Variants in RAB10 observed in about 807,000 individuals in gnomAD.
The protein encoded by RAB10 is RAB10, member RAS oncogene family.
In RAB10, 5 loss-of-function variants were observed where a neutral mutation model predicts 25.7. The ratio of observed to expected loss-of-function variants is 0.19; its 90% confidence interval spans 0.10 to 0.41. The LOEUF (loss-of-function observed/expected upper bound fraction) is 0.41. Ranked by LOEUF, RAB10 falls within the 10% of genes least tolerant of loss-of-function variation. RAB10 has a pLI of 1.00. For missense variants in RAB10, 103 were observed against 245.8 expected (o/e 0.42, Z 3.89); for synonymous variants, 89 against 86.4 (o/e 1.03, Z -0.16).
At chr2:26,133,308 A>T (rs1668045509) in intron 5 of RAB10, among the ~76,000 whole-genome samples, 1 of 152,222 alleles carries the variant, frequency 6.6e-6, no homozygotes, top group South Asian at 2.1e-4. Flanking sequence ...ATACAATAGC[A>T]TCGATAAATC....
At chr2:26,033,848 C>A (rs1054667012), upstream of RAB10, among the ~76,000 whole-genome samples, 2 of 152,184 alleles carry the variant, frequency 1.3e-5, no homozygotes, top group African/African-American at 4.8e-5. Context: ...GCGTCTCCCC[C>A]GGGGCGTGCT....
rs10669615 is a variant in RAB10, at chr2:26,124,389, CTTTTTTTTTTTTTTT to C, written c.328-2741_328-2727del. On this transcript the variant is annotated intron_variant, in intron 3 of 5. Transcript: ENST00000264710. ...GTTGTTTTTCTTATTGTTGTTGTTG[CTTTTTTTTTTTTTTT>C]TTTTTTTTTTTTTGAGACAGGTTCT... 1.8e-3 allele frequency among the ~76,000 whole-genome samples: 36 copies of C among 19,680 alleles called. 1 individual carries two copies. Among genetic ancestry groups the C allele is most frequent in the East Asian group, 4.8e-3 (2 of 414 alleles). 12.9% of individuals were successfully genotyped at this position (19,680 alleles called of 152,430 possible). A position where few individuals can be genotyped will look rare whatever the true frequency, so the allele number is the denominator to read the frequency against.
chr2:26,065,464 A>T (rs555042223), intron 1 of RAB10, among the ~76,000 whole-genome samples: 2 of 150,526 alleles, frequency 1.3e-5, no homozygotes, highest in Admixed American at 6.7e-5. Context: ...TGTTTTCAAC[A>T]ACTACAGTTT....
intron 1 of RAB10, among the ~76,000 whole-genome samples, chr2:26,088,235 T>C (rs1262639079): frequency 2.0e-5 from 3 of 152,186 alleles, no homozygotes; most frequent in Admixed American, 2.0e-4. Flanking sequence ...AGGTTGCAGT[T>C]ACTCCTCTTG....
chr2:26,085,196 G>A (rs1287017252), intron 1 of RAB10, among the ~76,000 whole-genome samples: 1 of 152,124 alleles, frequency 6.6e-6, no homozygotes, highest in Admixed American at 6.6e-5. Flanking sequence ...GCATATTAAA[G>A]TGAAACAACA....
At chr2:26,127,566 T>C (rs191316327) in intron 4 of RAB10, among the ~76,000 whole-genome samples, 9 of 152,338 alleles carry the variant, frequency 5.9e-5, no homozygotes, top group Admixed American at 5.9e-4. Context: ...CAGGAGCCTA[T>C]GGTGAGCAGA....
At chr2:26,111,281 G>A (rs1230133841) in intron 3 of RAB10, among the ~76,000 whole-genome samples, 1 of 152,182 alleles carries the variant, frequency 6.6e-6, no homozygotes, top group Admixed American at 6.6e-5. Context: ...TTTGGGAGAA[G>A]CTTATTATTT....
Position 26,064,506 on chromosome 2 carries a change from A to T in RAB10, c.127+29771A>T, listed in dbSNP as rs113390671. Among the ~76,000 whole-genome samples, 32 of 150,174 alleles carry T rather than the reference A, an allele frequency of 2.1e-4. 1 individual carries two copies. In the Middle Eastern group the frequency reaches 0.017, roughly 80 times the overall value. ...CTGGCTAATTTTTTGGGAAAAAAAA[A>T]TTTTTTTTTTCATTTTTTGTAGAGA... On this transcript the variant is annotated intron_variant, in intron 1 of 5. Coordinates refer to ENST00000264710, the MANE Select transcript of RAB10 (RefSeq NM_016131.5).
intron 1 of RAB10, 168 bp from the exon 2 acceptor site, chr2:26,098,494 T>G: frequency 1.7e-6 from 1 of 579,428 alleles, no homozygotes; most frequent in Non-Finnish European, 3.0e-6. Flanking sequence ...CTTGTATTAC[T>G]CAGGTTTAAA....
At chr2:26,035,845 G>A (rs1665753426) in intron 1 of RAB10, among the ~76,000 whole-genome samples, 1 of 152,104 alleles carries the variant, frequency 6.6e-6, no homozygotes, top group African/African-American at 2.4e-5. Flanking sequence ...TGAAATATTT[G>A]GTTTGGGTTT....
intron 2 of RAB10, among the ~76,000 whole-genome samples, chr2:26,103,385 AAAATG>A (rs1207749835): frequency 2.0e-5 from 3 of 152,228 alleles, no homozygotes; most frequent in African/African-American, 7.2e-5. Context: ...TACGAATTTA[AAAATG>A]GTTTCTAGTG....
At chr2:26,128,956 A>G (rs1445726295) in intron 5 of RAB10, among the ~76,000 whole-genome samples, 1 of 152,210 alleles carries the variant, frequency 6.6e-6, no homozygotes, top group Non-Finnish European at 1.5e-5. Context: ...GAAATTTTAA[A>G]TGCAAATAAA....
intron 2 of RAB10, among the ~76,000 whole-genome samples, chr2:26,104,507 A>C (rs1417267907): frequency 1.3e-5 from 2 of 152,202 alleles, no homozygotes; most frequent in African/African-American, 4.8e-5. Flanking sequence ...CAAGTTTGCA[A>C]ATAGTTTCTT....
intron 3 of RAB10, among the ~76,000 whole-genome samples, chr2:26,125,434 C>CTTTTTTTTT (rs780945835): frequency 1.7e-5 from 2 of 118,880 alleles, no homozygotes; most frequent in Non-Finnish European, 1.8e-5. Context: ...CCTTTGCTTG[C>CTTTTTTTTT]TTTTTTTTTT....
chr2:26,106,954 T>C (rs1036180062), intron 2 of RAB10, among the ~76,000 whole-genome samples: 1 of 147,774 alleles, frequency 6.8e-6, no homozygotes, highest in African/African-American at 2.5e-5. Context: ...AACATAAGAC[T>C]ACGTGAAGAG....
At chr2:26,127,534 TA>T (rs1559600158) in intron 4 of RAB10, among the ~76,000 whole-genome samples, 1 of 152,186 alleles carries the variant, frequency 6.6e-6, no homozygotes. Flanking sequence ...TATCAATTAG[TA>T]TGGTTCTAAA....
intron 3 of RAB10, among the ~76,000 whole-genome samples, chr2:26,111,606 C>CA (rs11347877): frequency 0.016 from 2,216 of 139,714 alleles, 53 homozygotes; most frequent in African/African-American, 0.055. Context: ...AACTCCATCT[C>CA]AAAAAAAAAA....
chr2:26,042,820 A>C (rs1665920477), intron 1 of RAB10: 1 of 152,218 alleles, frequency 6.6e-6, no homozygotes, highest in Non-Finnish European at 1.5e-5. Flanking sequence ...ATTTCTCCAA[A>C]GAAGCTAAGC....
intron 3 of RAB10, among the ~76,000 whole-genome samples, chr2:26,123,963 C>G (rs1667855018): frequency 6.6e-6 from 1 of 152,156 alleles, no homozygotes; most frequent in Non-Finnish European, 1.5e-5. Flanking sequence ...GACCAACCCC[C>G]TCCTCTTTCT....
Sources: gnomAD v4.1 joint callset for allele counts (sites outside exome capture counted in the v4.1 genomes callset) on GRCh38, gnomAD v4.1.1 for gene constraint, MANE v1.5 for transcripts, NCBI Gene and HGNC (gene_info 2026-07-23, HGNC 2026-07-21) for gene names.